Variants in SNX29 observed in about 807,000 individuals in gnomAD.
The protein encoded by SNX29 is sorting nexin-29.
In SNX29, 78 loss-of-function variants were observed where a neutral mutation model predicts 102.1. That is an observed-to-expected ratio of 0.76 (90% CI 0.64 to 0.92). The LOEUF (loss-of-function observed/expected upper bound fraction) is 0.92, where lower values mean the gene tolerates loss of function less well. Ranked by LOEUF, SNX29 falls within the 40% of genes least tolerant of loss-of-function variation. SNX29 has a pLI of 0.00. For missense variants in SNX29, 1,280 were observed against 1,061.7 expected (o/e 1.21, Z -2.86); for synonymous variants, 580 against 414.5 (o/e 1.40, Z -4.85).
At chr16:12,447,519 C>CT (rs1303139515) in intron 18 of SNX29, among the ~76,000 whole-genome samples, 8 of 152,148 alleles carry the variant, frequency 5.3e-5, no homozygotes, top group Non-Finnish European at 1.0e-4. Context: ...GAGAAACCAC[C>CT]CGGACAGAGC....
At chr16:12,551,726 A>G (rs554071229) in intron 20 of SNX29, among the ~76,000 whole-genome samples, 33 of 152,280 alleles carry the variant, frequency 2.2e-4, no homozygotes, top group Admixed American at 2.0e-3. Context: ...GTGAATGGGG[A>G]CAGCTGACAA....
intron 18 of SNX29, among the ~76,000 whole-genome samples, chr16:12,420,270 AGAAAT>A (rs1436182248): frequency 9.2e-5 from 14 of 152,256 alleles, no homozygotes; most frequent in Admixed American, 2.6e-4. Flanking sequence ...AAATGAATAA[AGAAAT>A]GAATGAGTTG....
At chr16:12,169,003 A>G (rs1431517996) in intron 13 of SNX29, among the ~76,000 whole-genome samples, 1 of 152,296 alleles carries the variant, frequency 6.6e-6, no homozygotes, top group Middle Eastern at 3.4e-3. Context: ...GTTTTCCGTC[A>G]CAGCTGAAGG....
At chr16:12,548,177 T>A (rs545310129) in intron 20 of SNX29, among the ~76,000 whole-genome samples, 1 of 152,202 alleles carries the variant, frequency 6.6e-6, no homozygotes, top group Non-Finnish European at 1.5e-5. Flanking sequence ...ACATTTGCTC[T>A]CTTGCTCATC....
chr16:12,377,170 T>A (rs148062225), intron 16 of SNX29, among the ~76,000 whole-genome samples: 1 of 152,346 alleles, frequency 6.6e-6, no homozygotes, highest in Non-Finnish European at 1.5e-5. Context: ...GAGCTTTACG[T>A]CTCTGAGCCT....
At chr16:12,429,515 G>A (rs2085226013) in intron 18 of SNX29, among the ~76,000 whole-genome samples, 1 of 152,062 alleles carries the variant, frequency 6.6e-6, no homozygotes, top group South Asian at 2.1e-4. Context: ...CAAATGCTTG[G>A]GCTTAAGCTG....
At chr16:11,991,397 C>G (rs575305207) in intron 1 of SNX29, among the ~76,000 whole-genome samples, 1 of 152,060 alleles carries the variant, frequency 6.6e-6, no homozygotes, top group Non-Finnish European at 1.5e-5. Context: ...TGAGACTTGC[C>G]GTCTCATGAA....
intron 10 of SNX29, among the ~76,000 whole-genome samples, chr16:12,072,056 T>G (rs376828354): frequency 1.3e-5 from 2 of 152,330 alleles, no homozygotes; most frequent in African/African-American, 4.8e-5. Context: ...ATCAGCTTAA[T>G]GAGATTTTGG....
intron 15 of SNX29, among the ~76,000 whole-genome samples, chr16:12,353,812 C>T (rs143279196): frequency 2.1e-3 from 319 of 152,320 alleles, no homozygotes; most frequent in African/African-American, 7.4e-3. Flanking sequence ...TTGGGTTTTA[C>T]TCTTAAAGCA....
intron 15 of SNX29, among the ~76,000 whole-genome samples, chr16:12,284,657 G>T (rs1444539737): frequency 6.6e-6 from 1 of 151,896 alleles, no homozygotes; most frequent in African/African-American, 2.4e-5. Flanking sequence ...TAATAGCAAT[G>T]AGTCTGATAA....
intron 11 of SNX29, among the ~76,000 whole-genome samples, chr16:12,123,421 A>G (rs924906837): frequency 1.3e-5 from 2 of 152,204 alleles, no homozygotes; most frequent in East Asian, 3.8e-4. Context: ...TAAGAGGTAC[A>G]TTTTGGCCAA....
At chr16:12,404,400 GTCT>G (rs1381464073) in intron 18 of SNX29, among the ~76,000 whole-genome samples, 2 of 152,014 alleles carry the variant, frequency 1.3e-5, no homozygotes, top group East Asian at 3.9e-4. Flanking sequence ...CTGCATGTCT[GTCT>G]TCCTTCTCCT....
rs1287321558 is a variant in SNX29 at position 12,538,552 on chromosome 16, G to A, written c.2318+13711G>A. Among the ~76,000 whole-genome samples the A allele has an allele frequency of 5.3e-5, 8 of 152,288 alleles. No individual in the cohort carries two copies. The South Asian group carries it at 1.7e-3, about 32-fold the overall frequency. On this transcript the variant is annotated intron_variant, in intron 20 of 20. Transcript: ENST00000566228. ...TATGCGTGAGGTGATGGGCTAGGAGGCTTAACTGGTCTTAGCTGAGCTGGC... is the reference window on the plus strand; with the variant it reads ...TATGCGTGAGGTGATGGGCTAGGAGACTTAACTGGTCTTAGCTGAGCTGGC...
chr16:12,551,793 G>GCT (rs2077992791), intron 20 of SNX29, among the ~76,000 whole-genome samples: 2 of 152,148 alleles, frequency 1.3e-5, no homozygotes, highest in African/African-American at 4.8e-5. Context: ...GAAGCACATG[G>GCT]GCATCAAACT....
chr16:12,244,827 C>A (rs1327177446), intron 14 of SNX29, among the ~76,000 whole-genome samples: 1 of 152,140 alleles, frequency 6.6e-6, no homozygotes, highest in African/African-American at 2.4e-5. Context: ...CACAGATGTG[C>A]GTTGCTGGCA....
At chr16:12,259,342 A>G (rs2078666319) in intron 14 of SNX29, among the ~76,000 whole-genome samples, 1 of 152,132 alleles carries the variant, frequency 6.6e-6, no homozygotes, top group Admixed American at 6.5e-5. Context: ...CTTTGAGAGG[A>G]GGCAGCATTG....
At chr16:12,501,136 C>T (rs1186491835) in intron 19 of SNX29, among the ~76,000 whole-genome samples, 1 of 152,184 alleles carries the variant, frequency 6.6e-6, no homozygotes, top group African/African-American at 2.4e-5. Flanking sequence ...TTGTGTTCAA[C>T]TATAACCCCA....
chr16:12,376,538 C>T (rs780353288), intron 16 of SNX29, among the ~76,000 whole-genome samples: 22 of 151,958 alleles, frequency 1.4e-4, no homozygotes, highest in Non-Finnish European at 3.1e-4. Flanking sequence ...GAGTTTGAGA[C>T]TAGTCTGGCC....
intron 18 of SNX29, among the ~76,000 whole-genome samples, chr16:12,447,901 C>G (rs1297319154): frequency 6.6e-6 from 1 of 152,158 alleles, no homozygotes; most frequent in Non-Finnish European, 1.5e-5. Flanking sequence ...CAGGAAGACA[C>G]TAGGGAAGGG....
Sources: allele counts gnomAD v4.1 joint callset (sites outside exome capture counted in the v4.1 genomes callset), GRCh38; gene constraint gnomAD v4.1.1; transcripts MANE v1.5; gene names NCBI Gene and HGNC (gene_info 2026-07-23, HGNC 2026-07-21).